The following MIA2 variants were observed in gnomAD, a reference collection of about 807,000 sequenced individuals.
The protein encoded by MIA2 is MIA SH3 domain ER export factor 2, also known as melanoma inhibitory activity protein 2.
Under a neutral mutation model 167.8 loss-of-function variants are expected in MIA2, and 127 were observed. The observed-to-expected ratio is 0.76, with a 90% CI of 0.66 to 0.88. MIA2 has a LOEUF of 0.88. MIA2 is among the 40% of genes least tolerant of loss of function. The pLI is 0.00. For synonymous variants in MIA2, 552 were observed against 541.9 expected, an observed-to-expected ratio of 1.02 and a Z score of -0.26; for missense variants, 1,690 against 1,624.7, an observed-to-expected ratio of 1.04 and a Z score of -0.69.
At chr14:39,276,147 A>T (rs1233973804) in intron 6 of MIA2, 1 of 152,152 alleles carries the variant, frequency 6.6e-6, no homozygotes, top group Non-Finnish European at 1.5e-5. Context: ...TGGGCCTGGT[A>T]ACAAAGAGCA....
At chr14:39,269,093 T>TTTTTTTC in intron 6 of MIA2, 5 of 948,456 alleles carry the variant, frequency 5.3e-6, no homozygotes, top group Non-Finnish European at 6.2e-6. Context: ...TTTTTTTTTT[T>TTTTTTTC]TTTTTTGCTA....
intron 21 of MIA2, among the ~76,000 whole-genome samples, chr14:39,317,552 A>AT (rs1217411469): frequency 1.3e-5 from 2 of 152,032 alleles, no homozygotes; most frequent in Non-Finnish European, 2.9e-5. Context: ...AACTTTAGAG[A>AT]TTTGAGGGTA....
intron 23 of MIA2, among the ~76,000 whole-genome samples, chr14:39,357,773 G>T (rs1042958550): frequency 6.6e-6 from 1 of 152,140 alleles, no homozygotes; most frequent in African/African-American, 2.4e-5. Context: ...CTCAGCATTT[G>T]CTTGTCTGTA....
chr14:39,300,511 T>C lies in MIA2; in HGVS notation c.2619+525T>C, dbSNP rs554069593. On this transcript the variant is annotated intron_variant, in intron 14 of 28. Coordinates refer to ENST00000640607, the MANE Select transcript of MIA2 (RefSeq NM_001329214.4). ...ATGCTGATAAATACAGATACTCAAGTGTATCAAATAATGATATGTAAAACT... is the reference window on the plus strand; with the variant it reads ...ATGCTGATAAATACAGATACTCAAGCGTATCAAATAATGATATGTAAAACT... Among the ~76,000 whole-genome samples, 13 of 152,034 alleles carry C rather than the reference T, an allele frequency of 8.6e-5. No individual in the cohort carries two copies. In the East Asian group the frequency reaches 2.5e-3, roughly 29 times the overall value.
chr14:39,313,916 G>C (rs910384055), intron 19 of MIA2, among the ~76,000 whole-genome samples: 3 of 152,024 alleles, frequency 2.0e-5, no homozygotes, highest in Non-Finnish European at 4.4e-5. Context: ...CCAGGAAATA[G>C]AAAATATAGA....
chr14:39,260,017 G>T (rs909038498), intron 6 of MIA2, among the ~76,000 whole-genome samples: 2 of 152,048 alleles, frequency 1.3e-5, no homozygotes, highest in African/African-American at 4.8e-5. Flanking sequence ...CTTCATCCAT[G>T]TCCCTGCAAA....
chr14:39,310,325 C>G (rs918523178), intron 18 of MIA2, among the ~76,000 whole-genome samples: 1 of 152,144 alleles, frequency 6.6e-6, no homozygotes, highest in Non-Finnish European at 1.5e-5. Context: ...AAAATGCCCC[C>G]TAAGCATAGT....
chr14:39,295,002 T>G lies in MIA2; in HGVS notation c.2469T>G (p.Asn823Lys). The G allele has an allele frequency of 6.2e-7, 1 of 1,613,204 alleles. No homozygotes were observed. ...KIAIKDALNE[N>K]SQLQESQKQL... ...CAATAAAAGATGCTTTGAATGAAAA[T>G]TCTCAACTTCAGGAAAGCCAGAAAC... is the stretch of plus-strand genomic sequence containing the variant. Residue 823 changes from asparagine to lysine, a missense_variant, in exon 13 of 29, where the codon AAT (asparagine) becomes AAG (lysine). By Grantham distance (94) the Asn-to-Lys change is moderately conservative (BLOSUM62 0). Coordinates refer to ENST00000640607, the MANE Select transcript of MIA2 (RefSeq NM_001329214.4).
intron 2 of MIA2, among the ~76,000 whole-genome samples, chr14:39,240,098 A>G (rs1326512258): frequency 6.6e-6 from 1 of 152,180 alleles, no homozygotes; most frequent in Non-Finnish European, 1.5e-5. Flanking sequence ...GACCTTTACT[A>G]TCATGATGAA....
intron 25 of MIA2, among the ~76,000 whole-genome samples, chr14:39,332,343 C>A (rs1458692565): frequency 1.3e-5 from 2 of 152,174 alleles, no homozygotes; most frequent in Non-Finnish European, 2.9e-5. Context: ...TGCAATTCCT[C>A]TAACCTTTTA....
At position 39,356,984 on chromosome 14, in the gene MIA2, T is replaced by C. The variant is rs183786940; in HGVS notation, c.2248+8007T>C. Among the ~76,000 whole-genome samples, 972 of 152,274 alleles carry C rather than the reference T, an allele frequency of 6.4e-3. 3 individuals are homozygous for C. Among genetic ancestry groups the C allele is most frequent in the Non-Finnish European group, 9.0e-3 (613 of 68,032 alleles). On this transcript the variant is annotated intron_variant, in intron 23 of 23. Coordinates refer to the MIA2 transcript ENST00000341502. ...GCTTTACTTCCAACTATGTGGTCGG[T>C]TTTGGAATAAGTGTGGTGTGGTGCT... is the stretch of plus-strand genomic sequence containing the variant.
At chr14:39,349,891 A>C (rs1226951020) in intron 28 of MIA2, among the ~76,000 whole-genome samples, 4 of 152,210 alleles carry the variant, frequency 2.6e-5, no homozygotes, top group Admixed American at 1.3e-4. Context: ...AAATTACATA[A>C]AAATTAATGA....
chr14:39,348,515 A>T (rs1261446628), intron 27 of MIA2, among the ~76,000 whole-genome samples: 1 of 152,000 alleles, frequency 6.6e-6, no homozygotes, highest in Non-Finnish European at 1.5e-5. Context: ...CCAGACTGTT[A>T]CTTTGTTGGT....
chr14:39,334,768 A>G (rs956720025), intron 25 of MIA2, among the ~76,000 whole-genome samples: 2 of 152,066 alleles, frequency 1.3e-5, no homozygotes, highest in African/African-American at 2.4e-5. Context: ...GGGTTTCACC[A>G]TGTTGGCCAG....
intron 23 of MIA2, among the ~76,000 whole-genome samples, chr14:39,366,446 C>T (rs535597782): frequency 6.6e-6 from 1 of 152,224 alleles, no homozygotes; most frequent in South Asian, 2.1e-4. Context: ...AGGTGGCACA[C>T]ACTTGTTTTG....
intron 17 of MIA2, among the ~76,000 whole-genome samples, chr14:39,306,119 G>A (rs1161291109): frequency 6.6e-6 from 1 of 151,084 alleles, no homozygotes; most frequent in African/African-American, 2.4e-5. Flanking sequence ...TTTTTCTGAT[G>A]TAGATTAAAA....
At chr14:39,269,397 T>A (rs2056715564) in intron 6 of MIA2, among the ~76,000 whole-genome samples, 1 of 152,196 alleles carries the variant, frequency 6.6e-6, no homozygotes, top group African/African-American at 2.4e-5. Flanking sequence ...TCTATGAACA[T>A]GTCTATTCTG....
intron 6 of MIA2, among the ~76,000 whole-genome samples, chr14:39,256,666 G>A (rs1352715998): frequency 6.6e-6 from 1 of 152,118 alleles, no homozygotes; most frequent in African/African-American, 2.4e-5. Flanking sequence ...TTCCAAAAAT[G>A]TGAAGAAATT....
chr14:39,381,678 T>TC (rs61470617), intron 23 of MIA2, among the ~76,000 whole-genome samples: 20 of 121,654 alleles, frequency 1.6e-4, no homozygotes, highest in Admixed American at 1.2e-3. Flanking sequence ...TTTTTTTTTT[T>TC]CTTTTTCTTT....
Sources: allele counts gnomAD v4.1 joint callset (sites outside exome capture counted in the v4.1 genomes callset), GRCh38; gene constraint gnomAD v4.1.1; transcripts MANE v1.5; gene names NCBI Gene and HGNC (gene_info 2026-07-23, HGNC 2026-07-21).